Variants in ARG2 observed in about 807,000 individuals in gnomAD.
ARG2 encodes the protein arginase 2, also known as arginase-2, mitochondrial.
A neutral mutation model predicts 39.4 loss-of-function variants in ARG2; 21 were observed. The observed-to-expected ratio is 0.53, with a 90% CI of 0.38 to 0.77. The LOEUF is 0.77. ARG2 is among the 30% of genes least tolerant of loss of function. The pLI is 0.00. For synonymous variants in ARG2, 150 were observed against 156.7 expected, an observed-to-expected ratio of 0.96 and a Z score of 0.32; for missense variants, 378 against 426.2, an observed-to-expected ratio of 0.89 and a Z score of 1.00.
rs558483667 is a variant in ARG2, at chr14:67,648,195, C to T, written c.859+12C>T. Reference sequence around the variant, plus strand: ...AATACACAATACAGGTATGTAGCAACCAGGTCTGCAGCCTGTTAACTACAT... The same window carrying T: ...AATACACAATACAGGTATGTAGCAATCAGGTCTGCAGCCTGTTAACTACAT... On this transcript the variant is annotated intron_variant, in intron 7 of 7. Transcript: ENST00000261783. 8 of 1,609,710 alleles carry T rather than the reference C, an allele frequency of 5.0e-6. No homozygotes were observed. The South Asian group carries it at 8.8e-5, about 18-fold the overall frequency.
At chr14:67,640,537 G>C (rs1235598150) in intron 2 of ARG2, among the ~76,000 whole-genome samples, 1 of 152,158 alleles carries the variant, frequency 6.6e-6, no homozygotes, top group Non-Finnish European at 1.5e-5. Flanking sequence ...TCAAGAGGTA[G>C]AGCTCAAAAT....
chr14:67,650,871 C>A lies in ARG2; in HGVS notation c.1016C>A (p.Thr339Asn). Residue 339 changes from threonine to asparagine, a missense_variant, in exon 8 of 8, where the codon ACT becomes AAT. Transcript: ENST00000261783. ...CATATTGTCTATGACCAACTTCCTA[C>A]TCCCAGTTCACCAGATGAATCAGAA... is the stretch of plus-strand genomic sequence containing the variant. ...GGHIVYDQLPTPSSPDESENQ... is the reference protein window; with the variant it reads ...GGHIVYDQLPNPSSPDESENQ... The A allele has an allele frequency of 6.2e-7, 1 of 1,614,198 alleles. No homozygotes were observed.
chr14:67,626,258 GAAA>G (rs891030735), intron 2 of ARG2, among the ~76,000 whole-genome samples: 18 of 146,796 alleles, frequency 1.2e-4, no homozygotes, highest in African/African-American at 4.5e-4. Flanking sequence ...TGTCTCAGGG[GAAA>G]AAAAAAACCA....
At chr14:67,633,304 A>C (rs996702314) in intron 2 of ARG2, among the ~76,000 whole-genome samples, 3 of 152,056 alleles carry the variant, frequency 2.0e-5, no homozygotes, top group African/African-American at 7.2e-5. Flanking sequence ...TTTATAGAAG[A>C]ATCTAGGTCA....
rs541897931 is a variant in ARG2, at chr14:67,639,096, C to T, written c.185-3090C>T. On this transcript the variant is annotated intron_variant, in intron 2 of 7. Transcript: ENST00000261783. ...GCAGAGTGGTGGCCTGAATTAGCGA[C>T]TGAAATCCTTCTATGAAATTCAGTC... Among the ~76,000 whole-genome samples, 13 of 152,364 alleles carry T rather than the reference C, an allele frequency of 8.5e-5. No homozygotes were observed. In the South Asian group the frequency reaches 2.1e-3, roughly 24 times the overall value.
chr14:67,621,869 G>C (rs537284915), intron 2 of ARG2, among the ~76,000 whole-genome samples: 1 of 151,734 alleles, frequency 6.6e-6, no homozygotes, highest in African/African-American at 2.4e-5. Flanking sequence ...GGCCAAGGTG[G>C]GTGGATCACC....
chr14:67,650,105 T>C (rs1430853887), intron 7 of ARG2: 1 of 153,796 alleles, frequency 6.5e-6, no homozygotes, highest in Non-Finnish European at 1.4e-5. Flanking sequence ...TACAAGACAC[T>C]GGGTCAGTCT....
At chr14:67,631,762 T>A (rs534629476) in intron 2 of ARG2, among the ~76,000 whole-genome samples, 1 of 152,178 alleles carries the variant, frequency 6.6e-6, no homozygotes, top group Non-Finnish European at 1.5e-5. Flanking sequence ...ACTTCTTACA[T>A]GTCAGTGTTC....
chr14:67,640,854 A>G (rs928687364), intron 2 of ARG2, among the ~76,000 whole-genome samples: 2 of 152,200 alleles, frequency 1.3e-5, no homozygotes, highest in Admixed American at 6.5e-5. Context: ...TCCTTAGGAG[A>G]CAAACTGCAT....
intron 2 of ARG2, among the ~76,000 whole-genome samples, chr14:67,621,677 T>C (rs185042473): frequency 1.9e-4 from 28 of 151,284 alleles, no homozygotes; most frequent in Middle Eastern, 6.8e-3. Flanking sequence ...ACTCCTGACC[T>C]CAGGTGATCC....
chr14:67,638,235 A>G (rs1306654938), intron 2 of ARG2, among the ~76,000 whole-genome samples: 6 of 152,128 alleles, frequency 3.9e-5, no homozygotes, highest in African/African-American at 1.4e-4. Flanking sequence ...TATTATGCCT[A>G]TAACTAGCCC....
chr14:67,629,899 A>G (rs956186068), intron 2 of ARG2, among the ~76,000 whole-genome samples: 3 of 152,240 alleles, frequency 2.0e-5, no homozygotes, highest in Non-Finnish European at 2.9e-5. Context: ...ATTCTTACAG[A>G]AAGTCCACTT....
Position 67,651,252 on chromosome 14 carries a change from C to G in ARG2, c.*332C>G. 1 of 1,534,582 alleles carries G rather than the reference C, an allele frequency of 6.5e-7. No homozygotes were observed. The highest frequency in any genetic ancestry group is 8.7e-7 in the Non-Finnish European group (1 of 1,143,680). On this transcript the variant is annotated 3_prime_UTR_variant, in exon 8 of 8. Transcript: ENST00000261783. ...TGGTTTTTCATCTTTCCTCCCTCCT[C>G]CCACAGCCTGGCTATACAGTGCATC...
intron 2 of ARG2, among the ~76,000 whole-genome samples, chr14:67,622,615 G>A (rs191815455): frequency 1.2e-4 from 18 of 152,230 alleles, no homozygotes; most frequent in Admixed American, 1.1e-3. Context: ...TTTTATTCCC[G>A]CCCATAAATG....
chr14:67,636,475 G>A (rs1217520681), intron 2 of ARG2, among the ~76,000 whole-genome samples: 5 of 152,222 alleles, frequency 3.3e-5, no homozygotes, highest in African/African-American at 1.2e-4. Context: ...GTGGTGTGTA[G>A]AGGCAGACAA....
rs1345174063 is a variant in ARG2, at chr14:67,620,748, A to G, written c.112-146A>G. On this transcript the variant is annotated intron_variant, in intron 1 of 7. Coordinates refer to ENST00000261783, the MANE Select transcript of ARG2 (RefSeq NM_001172.4). The stretch of plus-strand genomic sequence containing the variant: ...GGCTTGGGCAGCTGATGTGATTCCA[A>G]CAATGGAGTTGGAAGGACAGTCATT... The G allele has an allele frequency of 4.1e-6, 3 of 737,704 alleles. No homozygotes were observed. The East Asian group carries it at 8.4e-5, about 21-fold the overall frequency. 45.7% of individuals were successfully genotyped at this position (737,704 alleles called of 1,614,324 possible). A position where few individuals can be genotyped will look rare whatever the true frequency, so the allele number is the denominator to read the frequency against.
At chr14:67,634,584 A>G (rs2036950547) in intron 2 of ARG2, among the ~76,000 whole-genome samples, 2 of 145,116 alleles carry the variant, frequency 1.4e-5, no homozygotes, top group Middle Eastern at 3.5e-3. Flanking sequence ...ACAGAACCAG[A>G]CCGTGTCTCC....
intron 2 of ARG2, among the ~76,000 whole-genome samples, chr14:67,621,357 G>A (rs920267761): frequency 6.6e-6 from 1 of 151,988 alleles, no homozygotes; most frequent in South Asian, 2.1e-4. Flanking sequence ...TTCCTCTCTA[G>A]GGTTAATATC....
At chr14:67,621,091 C>A in intron 2 of ARG2, 125 bp downstream of exon 2, 7 of 847,496 alleles carry the variant, frequency 8.3e-6, no homozygotes, top group Non-Finnish European at 1.3e-5. Context: ...CCCGCATCCT[C>A]CTTTGGATTC....
Sources: allele counts gnomAD v4.1 joint callset (sites outside exome capture counted in the v4.1 genomes callset), GRCh38; gene constraint gnomAD v4.1.1; transcripts MANE v1.5; gene names NCBI Gene and HGNC (gene_info 2026-07-23, HGNC 2026-07-21).